Variants in STK32B observed in about 807,000 individuals in gnomAD.
The protein encoded by STK32B is serine/threonine kinase 32B.
Under a neutral mutation model 52.6 loss-of-function variants are expected in STK32B, and 43 were observed. The observed-to-expected ratio is 0.82, with a 90% confidence interval of 0.64 to 1.05. The LOEUF is 1.05. Among genes scored for constraint, STK32B ranks in the 50% least tolerant of loss-of-function variants. STK32B has a pLI of 0.00. For missense variants in STK32B, 621 were observed against 534.6 expected (o/e 1.16, Z -1.59); for synonymous variants, 238 against 204.3 (o/e 1.17, Z -1.41).
At position 5,317,840 on chromosome 4, in the gene STK32B, G is replaced by C. The variant is rs1344568265; in HGVS notation, c.261-13380G>C. Among the ~76,000 whole-genome samples, 3 of 152,050 alleles carry C rather than the reference G, an allele frequency of 2.0e-5. No homozygotes were observed. The East Asian group carries it at 5.8e-4, about 29-fold the overall frequency. On this transcript the variant is annotated intron_variant, in intron 3 of 11. Transcript: ENST00000282908. ...CAGTAGGCATTCATCTAAGTGTTTTGGATAGAACTGTGAAAAATGTAGATC... is the reference window on the plus strand; with the variant it reads ...CAGTAGGCATTCATCTAAGTGTTTTCGATAGAACTGTGAAAAATGTAGATC...
At chr4:5,138,245 G>A (rs981219070) in intron 1 of STK32B, among the ~76,000 whole-genome samples, 1 of 152,202 alleles carries the variant, frequency 6.6e-6, no homozygotes, top group Non-Finnish European at 1.5e-5. Context: ...ACCTCACGCT[G>A]GATTCTGACT....
At chr4:5,481,957 T>C (rs1171777052) in intron 11 of STK32B, among the ~76,000 whole-genome samples, 1 of 152,218 alleles carries the variant, frequency 6.6e-6, no homozygotes, top group Non-Finnish European at 1.5e-5. Context: ...TCTGTTTTGG[T>C]ACCAGTACCA....
intron 3 of STK32B, among the ~76,000 whole-genome samples, chr4:5,242,074 C>A (rs865856181): frequency 6.6e-6 from 1 of 152,108 alleles, no homozygotes; most frequent in African/African-American, 2.4e-5. Context: ...TGATTTATAA[C>A]CCTTTGGGTA....
intron 3 of STK32B, among the ~76,000 whole-genome samples, chr4:5,285,474 AG>A (rs1166305740): frequency 3.9e-5 from 6 of 152,248 alleles, no homozygotes. Flanking sequence ...AGTGAAAGAC[AG>A]GACATAATAG....
At chr4:5,450,781 C>G (rs909459024) in intron 7 of STK32B, among the ~76,000 whole-genome samples, 7 of 152,192 alleles carry the variant, frequency 4.6e-5, no homozygotes, top group Middle Eastern at 3.2e-3. Context: ...GGCTGGCACT[C>G]AGGAAACATC....
chr4:5,052,145 G>A (rs548183838), intron 1 of STK32B, among the ~76,000 whole-genome samples: 2 of 152,340 alleles, frequency 1.3e-5, no homozygotes, highest in South Asian at 2.1e-4. Flanking sequence ...CCTAGCGCGG[G>A]ACTGGGGAGG....
In STK32B at chr4:5,162,686, C is replaced by T. The variant is rs147703782; in HGVS notation, c.109-5613C>T. Among the ~76,000 whole-genome samples the T allele has an allele frequency of 5.2e-3, 793 of 152,332 alleles. 3 individuals are homozygous for T. The highest frequency in any genetic ancestry group is 0.018 in the African/African-American group (751 of 41,576). On this transcript the variant is annotated intron_variant, in intron 2 of 11. Coordinates refer to ENST00000282908, the MANE Select transcript of STK32B (RefSeq NM_018401.3). ...TGCCTTTCAGTAGCAGCTTGGGTGGCTTTGGCCAGATTGCTTGCTGTCACC... is the reference window on the plus strand; with the variant it reads ...TGCCTTTCAGTAGCAGCTTGGGTGGTTTTGGCCAGATTGCTTGCTGTCACC...
intron 3 of STK32B, among the ~76,000 whole-genome samples, chr4:5,250,151 C>T (rs1725812676): frequency 6.6e-6 from 1 of 152,068 alleles, no homozygotes; most frequent in African/African-American, 2.4e-5. Context: ...TTTATCCAGT[C>T]TGCTATTGAT....
chr4:5,230,329 A>G (rs1289852253), intron 3 of STK32B, among the ~76,000 whole-genome samples: 1 of 151,662 alleles, frequency 6.6e-6, no homozygotes, highest in Non-Finnish European at 1.5e-5. Flanking sequence ...AGCTGGGACT[A>G]CAGGCGCCTG....
At chr4:5,310,081 G>A (rs981282781) in intron 3 of STK32B, among the ~76,000 whole-genome samples, 1 of 152,054 alleles carries the variant, frequency 6.6e-6, no homozygotes, top group East Asian at 1.9e-4. Context: ...CAGGAGAATC[G>A]CTTGAACCCA....
At chr4:5,443,300 G>A (rs201722737) in intron 6 of STK32B, among the ~76,000 whole-genome samples, 11,069 of 145,792 alleles carry the variant, frequency 0.076, 633 homozygotes, top group East Asian at 0.36. Context: ...GGCTTTGCTC[G>A]TTTCTTTTTA....
chr4:5,324,415 A>G (rs1305267743), intron 3 of STK32B, among the ~76,000 whole-genome samples: 5 of 152,186 alleles, frequency 3.3e-5, no homozygotes, highest in Non-Finnish European at 5.9e-5. Flanking sequence ...TTTGCACCAC[A>G]TCAGTGTTAA....
the STK32B span, among the ~76,000 whole-genome samples, chr4:5,032,203 G>T: frequency 6.6e-6 from 1 of 150,410 alleles, no homozygotes; most frequent in African/African-American, 2.4e-5. Context: ...GCCGGGCACA[G>T]TGGCTCACAC....
At chr4:5,152,505 A>G (rs1717453143) in intron 2 of STK32B, among the ~76,000 whole-genome samples, 1 of 152,240 alleles carries the variant, frequency 6.6e-6, no homozygotes, top group Non-Finnish European at 1.5e-5. Context: ...GAGGAGTGAG[A>G]CAGAGAAAGG....
chr4:5,435,812 A>T (rs929204256), intron 6 of STK32B: 1 of 152,412 alleles, frequency 6.6e-6, no homozygotes, highest in East Asian at 1.9e-4. Context: ...GATGAAGAGC[A>T]TGGGGGAAAT....
intron 3 of STK32B, among the ~76,000 whole-genome samples, chr4:5,302,464 T>C (rs914304992): frequency 3.9e-5 from 6 of 152,118 alleles, no homozygotes; most frequent in Admixed American, 1.3e-4. Context: ...TACATTTAGA[T>C]CTACAAGCCT....
chr4:5,299,426 C>T (rs527719282), intron 3 of STK32B, among the ~76,000 whole-genome samples: 72 of 151,970 alleles, frequency 4.7e-4, no homozygotes, highest in South Asian at 1.0e-3. Flanking sequence ...TTTTTTTAAT[C>T]CATCTTTAGT....
intron 3 of STK32B, among the ~76,000 whole-genome samples, chr4:5,184,684 C>CAAAAAAAAAAAA (rs1553846538): frequency 1.9e-5 from 2 of 105,384 alleles, no homozygotes; most frequent in African/African-American, 3.3e-5. Context: ...GAGACTGTCT[C>CAAAAAAAAAAAA]AAAAAAAAAA....
chr4:5,483,502 C>T (rs1718894282), intron 11 of STK32B, among the ~76,000 whole-genome samples: 2 of 152,062 alleles, frequency 1.3e-5, no homozygotes. Context: ...GTCTTGCTAG[C>T]AGTCTATCAA....
Sources: allele counts gnomAD v4.1 joint callset (sites outside exome capture counted in the v4.1 genomes callset), GRCh38; gene constraint gnomAD v4.1.1; transcripts MANE v1.5; gene names NCBI Gene and HGNC (gene_info 2026-07-23, HGNC 2026-07-21).